The following DPP6 variants were observed in gnomAD, a reference collection of about 807,000 sequenced individuals.
The protein encoded by DPP6 is A-type potassium channel modulatory protein DPP6.
DPP6 carries 69 observed loss-of-function variants against 122.6 expected under a neutral mutation model. The observed-to-expected ratio is 0.56, with a 90% CI of 0.46 to 0.69. The LOEUF (loss-of-function observed/expected upper bound fraction) is 0.69. DPP6 is among the 30% of genes least tolerant of loss of function. DPP6 has a pLI of 0.00. For missense variants in DPP6, 928 were observed against 1,116.9 expected (o/e 0.83, Z 2.41); for synonymous variants, 418 against 433.1 (o/e 0.97, Z 0.43).
chr7:154,081,131 A>G (rs1803971246), intron 1 of DPP6, among the ~76,000 whole-genome samples: 2 of 151,848 alleles, frequency 1.3e-5, no homozygotes, highest in African/African-American at 2.4e-5. Flanking sequence ...GCCACTTAGC[A>G]TGACCTAGCC....
At chr7:153,844,692 A>G in the DPP6 span, among the ~76,000 whole-genome samples, 2 of 152,234 alleles carry the variant, frequency 1.3e-5, no homozygotes, top group Non-Finnish European at 2.9e-5. Context: ...CATCGTTTGC[A>G]CTTCAAATAT....
intron 1 of DPP6, among the ~76,000 whole-genome samples, chr7:154,279,897 A>G (rs967878511): frequency 1.3e-5 from 2 of 152,192 alleles, no homozygotes; most frequent in Non-Finnish European, 2.9e-5. Context: ...TCTGGAGTAG[A>G]TTGGGTTTTT....
intron 1 of DPP6, among the ~76,000 whole-genome samples, chr7:154,014,150 A>C (rs1005440913): frequency 6.6e-6 from 1 of 150,964 alleles, no homozygotes; most frequent in Non-Finnish European, 1.5e-5. Context: ...AAAGACCCTA[A>C]TGTAGCAGAG....
At chr7:153,967,154 G>A (rs1795788430) in intron 1 of DPP6, among the ~76,000 whole-genome samples, 1 of 152,068 alleles carries the variant, frequency 6.6e-6, no homozygotes, top group Admixed American at 6.5e-5. Flanking sequence ...AAAGGTGAGG[G>A]GAAATGTTAG....
rs1015819972 is a variant in DPP6, at chr7:154,549,054, G to A, written c.552+8428G>A. ...TGGCTGGAAGGTCTGGGGAAAAGGT[G>A]GAGAGAGGTCTTCAGGAAGCTTCCA... On this transcript the variant is annotated intron_variant, in intron 4 of 25. Coordinates refer to ENST00000377770, the MANE Select transcript of DPP6 (RefSeq NM_130797.4). 2.8e-4 allele frequency among the ~76,000 whole-genome samples: 43 copies of A among 152,296 alleles called. 1 individual carries two copies. The highest frequency in any genetic ancestry group is 1.0e-3 in the African/African-American group (42 of 41,570).
chr7:154,357,418 TC>T (rs1811358901), intron 1 of DPP6, among the ~76,000 whole-genome samples: 1 of 152,194 alleles, frequency 6.6e-6, no homozygotes, highest in Admixed American at 6.5e-5. Context: ...GCAATTTTAT[TC>T]TAGCCAAATT....
At chr7:153,845,077 T>C in the DPP6 span, among the ~76,000 whole-genome samples, 2 of 152,188 alleles carry the variant, frequency 1.3e-5, no homozygotes, top group African/African-American at 2.4e-5. Context: ...CTTTAACAGA[T>C]GGATTCTGTT....
intron 7 of DPP6, among the ~76,000 whole-genome samples, chr7:154,708,364 G>T (rs192155919): frequency 2.0e-5 from 3 of 152,176 alleles, no homozygotes; most frequent in Non-Finnish European, 4.4e-5. Flanking sequence ...TTTTTCTTCA[G>T]TGTTCACCTA....
At chr7:154,669,332 T>C in intron 6 of DPP6, 28 bp from the exon 7 acceptor site, 3 of 1,551,884 alleles carry the variant, frequency 1.9e-6, no homozygotes, top group South Asian at 2.4e-5. Context: ...CATTTTGCTT[T>C]GTTTTTGTTT....
chr7:154,488,278 G>A (rs767473179), intron 3 of DPP6, among the ~76,000 whole-genome samples: 9 of 152,018 alleles, frequency 5.9e-5, no homozygotes, highest in Non-Finnish European at 8.8e-5. Context: ...CATGAGGTCA[G>A]GAGATCGAGA....
chr7:154,696,115 G>T (rs550032887), intron 7 of DPP6, among the ~76,000 whole-genome samples: 87 of 152,314 alleles, frequency 5.7e-4, no homozygotes, highest in African/African-American at 2.0e-3. Flanking sequence ...AAACTCATGC[G>T]ATCCTCAGAG....
the DPP6 span, among the ~76,000 whole-genome samples, chr7:153,815,925 G>T: frequency 6.6e-6 from 1 of 152,080 alleles, no homozygotes; most frequent in African/African-American, 2.4e-5. Context: ...GTAGAATAAG[G>T]AATGGCCAAT....
intron 1 of DPP6, among the ~76,000 whole-genome samples, chr7:154,176,247 G>T (rs1329763051): frequency 6.6e-6 from 1 of 152,146 alleles, no homozygotes; most frequent in Non-Finnish European, 1.5e-5. Context: ...ATTCAGAAGT[G>T]CAGTATCCTG....
the DPP6 span, among the ~76,000 whole-genome samples, chr7:153,854,039 G>A: frequency 6.1e-3 from 886 of 145,928 alleles, 10 homozygotes; most frequent in African/African-American, 0.022. Context: ...GTAAGGAAGG[G>A]ATCCAGTTTC....
At chr7:153,979,917 C>T (rs2907046) in intron 1 of DPP6, among the ~76,000 whole-genome samples, 1 of 152,120 alleles carries the variant, frequency 6.6e-6, no homozygotes, top group African/African-American at 2.4e-5. Flanking sequence ...GGTGGATAAG[C>T]TTTTTGATCT....
intron 1 of DPP6, among the ~76,000 whole-genome samples, chr7:154,140,784 A>G (rs996541497): frequency 3.3e-5 from 5 of 152,232 alleles, no homozygotes; most frequent in Non-Finnish European, 7.3e-5. Flanking sequence ...ATTAACCACA[A>G]TGCTTGGCGA....
intron 1 of DPP6, among the ~76,000 whole-genome samples, chr7:154,394,805 A>G (rs1477715710): frequency 6.6e-6 from 1 of 152,198 alleles, no homozygotes; most frequent in Non-Finnish European, 1.5e-5. Context: ...ATTCTTTTGT[A>G]TGCCAATATC....
chr7:153,904,924 G>A (rs544179831), intron 1 of DPP6, among the ~76,000 whole-genome samples: 1 of 152,346 alleles, frequency 6.6e-6, no homozygotes, highest in South Asian at 2.1e-4. Flanking sequence ...AAGACGCAAA[G>A]ATAGACAGGA....
At chr7:154,687,117 G>C (rs147768868) in intron 7 of DPP6, among the ~76,000 whole-genome samples, 1 of 152,108 alleles carries the variant, frequency 6.6e-6, no homozygotes, top group Non-Finnish European at 1.5e-5. Flanking sequence ...TGTCTGTCTT[G>C]TCACTATACA....
Sources: gnomAD v4.1 joint callset for allele counts (sites outside exome capture counted in the v4.1 genomes callset) on GRCh38, gnomAD v4.1.1 for gene constraint, MANE v1.5 for transcripts, NCBI Gene and HGNC (gene_info 2026-07-23, HGNC 2026-07-21) for gene names.